The following NLRP14 variants were observed in gnomAD, a reference collection of about 807,000 sequenced individuals.
NLRP14 encodes the protein NACHT, LRR and PYD domains-containing protein 14.
Under a neutral mutation model 94.7 loss-of-function variants are expected in NLRP14, and 105 were observed. The ratio of observed to expected loss-of-function variants is 1.11; its 90% CI spans 0.95 to 1.30. NLRP14 has a LOEUF of 1.30. NLRP14 is among the 50% of genes most tolerant of loss of function. NLRP14 has a pLI of 0.00. For synonymous variants in NLRP14, 508 were observed against 459.9 expected (o/e 1.10, Z -1.34); for missense variants, 1,362 against 1,254.1 (o/e 1.09, Z -1.30).
At chr11:7,035,337 GT>G (rs1852146920) in intron 1 of NLRP14, among the ~76,000 whole-genome samples, 1 of 152,046 alleles carries the variant, frequency 6.6e-6, no homozygotes, top group Non-Finnish European at 1.5e-5. Flanking sequence ...AAAAAACGAA[GT>G]TGTTCACTTA....
In NLRP14 at chr11:7,043,331, A is replaced by T; in HGVS notation, c.1305A>T (p.Ile435=). Residue 435 remains isoleucine, a synonymous_variant, in exon 4 of 12, where the codon ATA becomes ATT. Transcript: ENST00000299481. ...RRLCQVAAKG[I]WTMTYVFYRE... is the part of the protein sequence containing the mutation. ...TGTGCCAAGTCGCTGCCAAAGGAATATGGACTATGACTTACGTGTTTTACA... is the reference window on the plus strand; with the variant it reads ...TGTGCCAAGTCGCTGCCAAAGGAATTTGGACTATGACTTACGTGTTTTACA... 1 of 1,614,200 alleles carries T rather than the reference A, an allele frequency of 6.2e-7. No individual in the cohort carries two copies. The highest frequency in any genetic ancestry group is 1.1e-5 in the South Asian group (1 of 91,080).
intron 2 of NLRP14, among the ~76,000 whole-genome samples, chr11:7,039,365 A>G (rs1852212269): frequency 6.6e-6 from 1 of 151,658 alleles, no homozygotes. Context: ...AGTTATATAT[A>G]TATATGTATA....
chr11:7,075,163 T>G (rs1852859552), downstream of NLRP14, among the ~76,000 whole-genome samples: 1 of 152,066 alleles, frequency 6.6e-6, no homozygotes, highest in Admixed American at 6.5e-5. Context: ...GCTTCCAAGG[T>G]TTTTCCAGGG....
At chr11:7,081,065 G>T in the NLRP14 span, among the ~76,000 whole-genome samples, 1 of 152,138 alleles carries the variant, frequency 6.6e-6, no homozygotes, top group Non-Finnish European at 1.5e-5. Context: ...GGCCGGAGGG[G>T]TCTTATCTAG....
chr11:7,047,750 TTC>T lies in NLRP14; in HGVS notation c.2123+922_2123+923del, dbSNP rs1159632891. Among the ~76,000 whole-genome samples, 5 of 144,272 alleles carry T rather than the reference TTC, an allele frequency of 3.5e-5. No homozygotes were observed. The Admixed American group carries it at 3.6e-4, about 10-fold the overall frequency. The allele number at this position is 144,272 out of a possible 152,430, so 94.6% of individuals were successfully genotyped here. ...ATGTATTTTTTTTAATTTATCTTCT[TTC>T]TCTTTCTTTTCTTTTCTTTTTTTTT... On this transcript the variant is annotated intron_variant, in intron 5 of 11. Transcript: ENST00000299481.
chr11:7,059,160 T>A (rs1852571036), intron 8 of NLRP14, among the ~76,000 whole-genome samples: 1 of 150,758 alleles, frequency 6.6e-6, no homozygotes, highest in South Asian at 2.1e-4. Context: ...TTTTCTGATG[T>A]TTTCTATTAT....
At chr11:7,030,773 T>C (rs1279538813) in intron 1 of NLRP14, among the ~76,000 whole-genome samples, 1 of 152,216 alleles carries the variant, frequency 6.6e-6, no homozygotes, top group Non-Finnish European at 1.5e-5. Context: ...CACTGCTTAT[T>C]GGGAGTCAGC....
At chr11:7,073,749 A>G (rs1845478302), downstream of NLRP14, among the ~76,000 whole-genome samples, 1 of 152,230 alleles carries the variant, frequency 6.6e-6, no homozygotes, top group African/African-American at 2.4e-5. Context: ...ATGAACAGCC[A>G]TATGAAAGAG....
rs867695793 is a variant in NLRP14 at position 7,070,395 on chromosome 11, G to A, written c.3085G>A (p.Glu1029Lys). Reference protein sequence around the residue: ...MNLTQNTLGYEGIVKLYKVLK... With the variant: ...MNLTQNTLGYKGIVKLYKVLK... ...TCTGACACAGAATACCTTAGGATATGAAGGAATTGTGAAGTTATATAAAGT... is the reference window on the plus strand; with the variant it reads ...TCTGACACAGAATACCTTAGGATATAAAGGAATTGTGAAGTTATATAAAGT... Residue 1029 changes from glutamate (E) to lysine (K), a missense_variant, in exon 11 of 12, where the codon GAA (glutamate) becomes AAA (lysine). Glu to Lys is a moderately conservative substitution (Grantham distance 56). Transcript: ENST00000299481. 2 of 1,608,914 alleles carry A rather than the reference G, an allele frequency of 1.2e-6. No homozygotes were observed. The highest frequency in any genetic ancestry group is 1.7e-6 in the Non-Finnish European group (2 of 1,175,382).
At position 7,062,445 on chromosome 11, in the gene NLRP14, G is replaced by A. The variant is rs966816203; in HGVS notation, c.2917G>A (p.Gly973Arg). Residue 973 changes from glycine to arginine, a missense_variant, in exon 10 of 12, where the codon GGA becomes AGA. Coordinates refer to ENST00000299481, the MANE Select transcript of NLRP14 (RefSeq NM_176822.4). ...TGGGAACAACGATTTGCAGGATGAT[G>A]GAGTGAAAATTCTGTGTGATGCTTT... ...DLGNNDLQDD[G>R]VKILCDALRY... is the part of the protein sequence containing the mutation. 1.2e-6 allele frequency: 2 copies of A among 1,613,096 alleles called. No individual in the cohort carries two copies. The highest frequency in any genetic ancestry group is 1.1e-5 in the South Asian group (1 of 91,078).
In NLRP14 at chr11:7,037,343, G is replaced by A. The variant is rs972518857; in HGVS notation, c.-21-1223G>A. Among the ~76,000 whole-genome samples, 6 of 152,072 alleles carry A rather than the reference G, an allele frequency of 3.9e-5. No homozygotes were observed. In the East Asian group the frequency reaches 7.7e-4, roughly 20 times the overall value. On this transcript the variant is annotated intron_variant, in intron 1 of 11. Transcript: ENST00000299481. The stretch of plus-strand genomic sequence containing the variant: ...AAAATCCAGATTTACTATATGTTTC[G>A]AGACAATTCACCTTCTGTTTAAAAG...
At chr11:7,085,544 T>C in the NLRP14 span, among the ~76,000 whole-genome samples, 2 of 152,232 alleles carry the variant, frequency 1.3e-5, no homozygotes, top group Middle Eastern at 3.2e-3. Flanking sequence ...CATGTTGTAG[T>C]ATATGTCAGA....
chr11:7,062,296 A>G (rs768562764), intron 9 of NLRP14, 37 bp from the exon 10 acceptor site: 26 of 1,572,584 alleles, frequency 1.7e-5, no homozygotes, highest in Non-Finnish European at 2.1e-5. Context: ...TAACCTCACA[A>G]TGGAAGGATT....
chr11:7,043,481 G>GT lies in NLRP14; in HGVS notation c.1461dup (p.Ala488CysfsTer22), dbSNP rs762290589. On this transcript the variant is annotated frameshift_variant, in exon 4 of 12. Transcript: ENST00000299481. LOFTEE classifies it high-confidence loss of function. The stretch of plus-strand genomic sequence containing the variant: ...TGTTCACCCACCTTCATGTTCAGGA[G>GT]TTTTTTGCAGCTATGTTCTATATGT... 1.3e-4 allele frequency: 206 copies of GT among 1,614,058 alleles called. No individual in the cohort carries two copies. Among genetic ancestry groups the GT allele is most frequent in the Non-Finnish European group, 1.7e-4 (205 of 1,180,036 alleles).
the NLRP14 span, chr11:7,090,165 G>C: frequency 6.2e-7 from 1 of 1,613,880 alleles, no homozygotes. Flanking sequence ...ACCAGATCGT[G>C]GGCTCTCTCT....
chr11:7,062,430 G>A lies in NLRP14; in HGVS notation c.2902G>A (p.Asp968Asn), dbSNP rs1589871810. Residue 968 changes from aspartate to asparagine, a missense_variant, in exon 10 of 12, where the codon GAT becomes AAT. Physicochemically the swap from Asp to Asn is conservative, Grantham distance 23. Transcript: ENST00000299481. ...GAGGAGCCTGGACCTTGGGAACAAC[G>A]ATTTGCAGGATGATGGAGTGAAAAT... is the stretch of plus-strand genomic sequence containing the variant. ...NLRSLDLGNN[D>N]LQDDGVKILC... 3.1e-6 allele frequency: 5 copies of A among 1,613,248 alleles called. No homozygotes were observed. The highest frequency in any genetic ancestry group is 1.3e-5 in the African/African-American group (1 of 74,968).
At chr11:7,060,168 A>G (rs959863126) in intron 9 of NLRP14, 104 bp downstream of exon 9, 1 of 1,060,814 alleles carries the variant, frequency 9.4e-7, no homozygotes, top group Non-Finnish European at 1.5e-6. Context: ...AGAAAAGAAT[A>G]TAAAGCTGAT....
chr11:7,055,022 G>C (rs969524339), intron 6 of NLRP14, among the ~76,000 whole-genome samples: 1 of 152,096 alleles, frequency 6.6e-6, no homozygotes, highest in Admixed American at 6.6e-5. Context: ...TTTTACATAT[G>C]AATATCCAGT....
At chr11:7,078,449 A>C in the NLRP14 span, among the ~76,000 whole-genome samples, 110 of 144,820 alleles carry the variant, frequency 7.6e-4, no homozygotes, top group African/African-American at 2.7e-3. Flanking sequence ...AAAAAAAAAA[A>C]AAAAAAAAAA....
Sources: allele counts gnomAD v4.1 joint callset (sites outside exome capture counted in the v4.1 genomes callset), GRCh38; gene constraint gnomAD v4.1.1; transcripts MANE v1.5; gene names NCBI Gene and HGNC (gene_info 2026-07-23, HGNC 2026-07-21).